EFCAB7: variants seen among roughly 807,000 people sequenced by gnomAD.
The protein encoded by EFCAB7 is EF-hand calcium-binding domain-containing protein 7.
A neutral mutation model predicts 77.1 loss-of-function variants in EFCAB7; 66 were observed. That is an observed-to-expected ratio of 0.86 (90% CI 0.70 to 1.05). EFCAB7 has a LOEUF of 1.05. Among genes scored for constraint, EFCAB7 ranks in the 50% least tolerant of loss-of-function variants. The probability of loss-of-function intolerance (pLI) is 0.00; values close to 1 mark genes in which losing one functional copy is unlikely to be tolerated. For missense variants in EFCAB7, 638 were observed against 730.5 expected, an observed-to-expected ratio of 0.87 and a Z score of 1.46; for synonymous variants, 225 against 243.3, an observed-to-expected ratio of 0.92 and a Z score of 0.70.
At chr1:63,580,791 C>T in the EFCAB7 span, among the ~76,000 whole-genome samples, 1 of 152,056 alleles carries the variant, frequency 6.6e-6, no homozygotes, top group Admixed American at 6.5e-5. Flanking sequence ...TCCTATATAT[C>T]CTTTATTAGA....
downstream of EFCAB7, among the ~76,000 whole-genome samples, chr1:63,575,048 A>G (rs1164240617): frequency 1.3e-5 from 2 of 152,202 alleles, no homozygotes; most frequent in Non-Finnish European, 2.9e-5. Flanking sequence ...TCTCATTACT[A>G]TTCAGTTCTG....
intron 11 of EFCAB7, among the ~76,000 whole-genome samples, chr1:63,566,116 A>G (rs1647168205): frequency 6.6e-6 from 1 of 152,260 alleles, no homozygotes; most frequent in African/African-American, 2.4e-5. Flanking sequence ...TCAGTGGAAA[A>G]CAGGATAAAG....
In EFCAB7 at chr1:63,557,137, A is replaced by C. The variant is rs555323216; in HGVS notation, c.1238A>C (p.Glu413Ala). Residue 413 changes from glutamate (E) to alanine (A), a missense_variant, in exon 10 of 14, where the codon GAA becomes GCA. Glu to Ala is a moderately radical substitution (Grantham distance 107). Transcript: ENST00000371088. ...AGGTCTACTTTATCAGATATATTTG[A>C]AGTAATTGATTTAGATGGAAATGGT... ...EFKSTLSDIF[E>A]VIDLDGNGLL... 12 of 1,593,728 alleles carry C rather than the reference A, an allele frequency of 7.5e-6. No homozygotes were observed. In the East Asian group the frequency reaches 2.5e-4, roughly 33 times the overall value.
intron 10 of EFCAB7, among the ~76,000 whole-genome samples, chr1:63,559,860 C>T (rs1647074453): frequency 6.6e-6 from 1 of 152,132 alleles, no homozygotes; most frequent in South Asian, 2.1e-4. Flanking sequence ...TTTCTGGGCT[C>T]TCTATTCTGT....
chr1:63,529,348 AAT>A (rs1646653183), intron 2 of EFCAB7, among the ~76,000 whole-genome samples: 1 of 152,194 alleles, frequency 6.6e-6, no homozygotes, highest in Non-Finnish European at 1.5e-5. Flanking sequence ...ATGGATTTTT[AAT>A]ATGTTATAAC....
In EFCAB7 at chr1:63,532,706, A is replaced by G. The variant is rs1158302581; in HGVS notation, c.436A>G (p.Ile146Val). ...EKMTREEVNA[I>V]INLADVNADG... ...GATGACTCGAGAAGAAGTAAATGCC[A>G]TAATAAATTTGGCTGATGTAAATGC... is the stretch of plus-strand genomic sequence containing the variant. The change falls in exon 4 of 14, where the codon ATA (isoleucine) becomes GTA (valine). Residue 146 changes from isoleucine to valine, a missense_variant. Physicochemically the swap from Ile to Val is conservative, Grantham distance 29 (BLOSUM62 3). Coordinates refer to ENST00000371088, the MANE Select transcript of EFCAB7 (RefSeq NM_032437.4). 3.7e-6 allele frequency: 6 copies of G among 1,604,816 alleles called. No homozygotes were observed. The highest frequency in any genetic ancestry group is 2.2e-5 in the South Asian group (2 of 89,454).
chr1:63,525,885 A>G, intron 2 of EFCAB7, 126 bp downstream of exon 2: 1 of 638,624 alleles, frequency 1.6e-6, no homozygotes, highest in Non-Finnish European at 2.6e-6. Flanking sequence ...GAGCAATGGA[A>G]CTACAGTAAG....
chr1:63,541,179 T>C (rs1646824467), intron 6 of EFCAB7, among the ~76,000 whole-genome samples: 1 of 152,156 alleles, frequency 6.6e-6, no homozygotes, highest in African/African-American at 2.4e-5. Context: ...CCATTTTTAC[T>C]ATCAAATACT....
chr1:63,531,948 G>A lies in EFCAB7; in HGVS notation c.316G>A (p.Glu106Lys), dbSNP rs1646702424. 1.2e-6 allele frequency: 2 copies of A among 1,612,882 alleles called. No individual in the cohort carries two copies. The highest frequency in any genetic ancestry group is 8.5e-7 in the Non-Finnish European group (1 of 1,179,292). ...GAAGGAAAAACCTACTTCAAAAGCA[G>A]AACTACTAAAATCATTTAAGCAATT... ...LRKEKPTSKAELLKSFKQLDV... is the reference protein window; with the variant it reads ...LRKEKPTSKAKLLKSFKQLDV... The change falls in exon 3 of 14, where the codon GAA (glutamate) becomes AAA (lysine). Residue 106 changes from glutamate (E) to lysine (K), a missense_variant. Transcript: ENST00000371088.
At chr1:63,535,757 A>G (rs752585614) in intron 6 of EFCAB7, among the ~76,000 whole-genome samples, 12 of 152,222 alleles carry the variant, frequency 7.9e-5, no homozygotes, top group Non-Finnish European at 1.3e-4. Context: ...TATTTATTAT[A>G]TACAAAGGAC....
chr1:63,540,138 G>A (rs1329353253), intron 6 of EFCAB7, among the ~76,000 whole-genome samples: 3 of 152,020 alleles, frequency 2.0e-5, no homozygotes, highest in Admixed American at 6.6e-5. Context: ...CGAGGTGGGC[G>A]GATCACTTGA....
intron 10 of EFCAB7, among the ~76,000 whole-genome samples, chr1:63,561,192 C>A (rs1355996405): frequency 6.6e-6 from 1 of 152,160 alleles, no homozygotes; most frequent in Non-Finnish European, 1.5e-5. Flanking sequence ...TCTTTCAAGA[C>A]TTGGGGACAA....
At position 63,565,579 on chromosome 1, in the gene EFCAB7, C is replaced by G. The variant is rs183844073; in HGVS notation, c.1498-2731C>G. 1.4e-3 allele frequency among the ~76,000 whole-genome samples: 220 copies of G among 152,206 alleles called. 1 individual carries two copies. Among genetic ancestry groups the G allele is most frequent in the African/African-American group, 5.2e-3 (217 of 41,540 alleles). On this transcript the variant is annotated intron_variant, in intron 11 of 13. Coordinates refer to ENST00000371088, the MANE Select transcript of EFCAB7 (RefSeq NM_032437.4). Reference sequence around the variant, plus strand: ...TCTGTGCAGCAAAAGAAACTATCAACAAAGTAAACAGACAACCTACAGAAT... The same window carrying G: ...TCTGTGCAGCAAAAGAAACTATCAAGAAAGTAAACAGACAACCTACAGAAT...
At chr1:63,542,547 C>T (rs546817004) in intron 6 of EFCAB7, among the ~76,000 whole-genome samples, 1 of 152,322 alleles carries the variant, frequency 6.6e-6, no homozygotes, top group Non-Finnish European at 1.5e-5. Flanking sequence ...CACAATGCTT[C>T]ACCATTTTAT....
chr1:63,531,765 T>G (rs1195090350), intron 2 of EFCAB7, 55 bp from the exon 3 acceptor site: 11 of 1,496,566 alleles, frequency 7.4e-6, no homozygotes, highest in Non-Finnish European at 1.0e-5. Flanking sequence ...AAAAATGCGC[T>G]TAAGTACAAA....
intron 13 of EFCAB7, among the ~76,000 whole-genome samples, chr1:63,571,350 T>C (rs1647251748): frequency 6.6e-6 from 1 of 152,200 alleles, no homozygotes; most frequent in African/African-American, 2.4e-5. Context: ...TTTATTTCTA[T>C]GTTCCAGTCT....
intron 6 of EFCAB7, among the ~76,000 whole-genome samples, chr1:63,543,640 A>C (rs538079648): frequency 6.6e-6 from 1 of 152,314 alleles, no homozygotes; most frequent in East Asian, 1.9e-4. Context: ...AAATGTGAGC[A>C]TGAAACCGAT....
chr1:63,577,117 C>T (rs1228236064), downstream of EFCAB7, among the ~76,000 whole-genome samples: 1 of 151,238 alleles, frequency 6.6e-6, no homozygotes, highest in Non-Finnish European at 1.5e-5. Flanking sequence ...CTGACTCCAG[C>T]CTGGGTGACA....
intron 11 of EFCAB7, among the ~76,000 whole-genome samples, chr1:63,564,701 A>G (rs1053119407): frequency 7.1e-6 from 1 of 140,572 alleles, no homozygotes; most frequent in Admixed American, 7.4e-5. Context: ...ACAGAACTAG[A>G]AAAAAAATTT....
Sources: allele counts gnomAD v4.1 joint callset (sites outside exome capture counted in the v4.1 genomes callset), GRCh38; gene constraint gnomAD v4.1.1; transcripts MANE v1.5; gene names NCBI Gene and HGNC (gene_info 2026-07-23, HGNC 2026-07-21).